Variants in MACROD2 observed in about 807,000 individuals in gnomAD.
MACROD2 encodes mono-ADP ribosylhydrolase 2.
In MACROD2, 36 loss-of-function variants were observed where a neutral mutation model predicts 70.4. The ratio of observed to expected loss-of-function variants is 0.51; its 90% CI spans 0.39 to 0.68. The LOEUF (loss-of-function observed/expected upper bound fraction) is 0.68. Among genes scored for constraint, MACROD2 ranks in the 30% least tolerant of loss-of-function variants. The pLI is 0.00. For missense variants in MACROD2, 496 were observed against 538.4 expected (o/e 0.92, Z 0.78); for synonymous variants, 172 against 178.8 (o/e 0.96, Z 0.30).
chr20:14,365,361 A>G (rs1267415711), intron 3 of MACROD2, among the ~76,000 whole-genome samples: 1 of 151,474 alleles, frequency 6.6e-6, no homozygotes, highest in African/African-American at 2.4e-5. Context: ...AATAATGTTC[A>G]TAAATAACAT....
intron 8 of MACROD2, among the ~76,000 whole-genome samples, chr20:15,814,711 C>G (rs1325331990): frequency 6.6e-6 from 1 of 152,204 alleles, no homozygotes; most frequent in Non-Finnish European, 1.5e-5. Context: ...TTATTAAGAC[C>G]TGTACAAACT....
chr20:15,756,644 T>C (rs78499254), intron 8 of MACROD2, among the ~76,000 whole-genome samples: 4 of 152,078 alleles, frequency 2.6e-5, no homozygotes, highest in African/African-American at 9.7e-5. Context: ...TGCTCTGAAT[T>C]TGAATAACCA....
chr20:15,293,272 C>A (rs2077557371), intron 6 of MACROD2, among the ~76,000 whole-genome samples: 1 of 152,164 alleles, frequency 6.6e-6, no homozygotes, highest in Non-Finnish European at 1.5e-5. Flanking sequence ...CAGAAGTATC[C>A]ATTTTACCCA....
At position 15,228,393 on chromosome 20, in the gene MACROD2, G is replaced by A. The variant is rs188164276; in HGVS notation, c.419-1547G>A. Among the ~76,000 whole-genome samples, 710 of 152,004 alleles carry A rather than the reference G, an allele frequency of 4.7e-3. 3 individuals carry two copies. Among genetic ancestry groups the A allele is most frequent in the Admixed American group, 7.5e-3 (114 of 15,274 alleles). ...AAATACTGTTTCAGAATTAATCATG[G>A]AAACCAATGCTTTAGGTCTTTTCTC... On this transcript the variant is annotated intron_variant, in intron 5 of 17. Coordinates refer to ENST00000684519, the MANE Select transcript of MACROD2 (RefSeq NM_001351661.2).
intron 8 of MACROD2, among the ~76,000 whole-genome samples, chr20:15,573,659 C>CCAT (rs1459014589): frequency 1.3e-5 from 2 of 152,098 alleles, no homozygotes; most frequent in African/African-American, 4.8e-5. Context: ...TTTACCTAAG[C>CCAT]CATACTCCTA....
rs190645004 is a variant in MACROD2, at chr20:14,484,152, T to C, written c.272-9327T>C. Among the ~76,000 whole-genome samples the C allele has an allele frequency of 1.5e-3, 230 of 152,344 alleles. 2 individuals are homozygous for C. The highest frequency in any genetic ancestry group is 5.2e-3 in the African/African-American group (218 of 41,584). Reference sequence around the variant, plus strand: ...TTAGGTGTTCTCCAAGCTATACTTATGCATGCTAAATTTCAGCTAATTTTG... The same window carrying C: ...TTAGGTGTTCTCCAAGCTATACTTACGCATGCTAAATTTCAGCTAATTTTG... On this transcript the variant is annotated intron_variant, in intron 3 of 17. Coordinates refer to ENST00000684519, the MANE Select transcript of MACROD2 (RefSeq NM_001351661.2).
chr20:15,872,542 G>T (rs1248017120), intron 9 of MACROD2, among the ~76,000 whole-genome samples: 3 of 152,038 alleles, frequency 2.0e-5, no homozygotes, highest in African/African-American at 7.2e-5. Context: ...CTTCAGTTTT[G>T]TCATGTGCAA....
At chr20:14,719,473 G>GAAAAAAAAAAAA (rs11087105) in intron 5 of MACROD2, among the ~76,000 whole-genome samples, 3 of 136,312 alleles carry the variant, frequency 2.2e-5, no homozygotes, top group Admixed American at 7.5e-5. Context: ...AAGATAGAAA[G>GAAAAAAAAAAAA]AAAAAAAAAA....
chr20:14,021,410 G>A (rs1312896249), intron 2 of MACROD2, among the ~76,000 whole-genome samples: 2 of 152,106 alleles, frequency 1.3e-5, no homozygotes, highest in Non-Finnish European at 2.9e-5. Context: ...TTAAGAGCAG[G>A]GCCTGCTGCT....
intron 3 of MACROD2, among the ~76,000 whole-genome samples, chr20:14,118,543 A>C (rs2054541957): frequency 6.6e-6 from 1 of 152,226 alleles, no homozygotes; most frequent in Non-Finnish European, 1.5e-5. Context: ...TTCAAATCTT[A>C]TATTTCAACA....
intron 5 of MACROD2, among the ~76,000 whole-genome samples, chr20:14,787,111 G>T (rs1171708724): frequency 6.6e-6 from 1 of 151,920 alleles, no homozygotes; most frequent in Non-Finnish European, 1.5e-5. Flanking sequence ...TCTCATTTTT[G>T]ATCTGTCATG....
chr20:15,421,297 C>T (rs2046224628), intron 6 of MACROD2, among the ~76,000 whole-genome samples: 1 of 151,968 alleles, frequency 6.6e-6, no homozygotes, highest in African/African-American at 2.4e-5. Flanking sequence ...AGGATCACCT[C>T]AGCTCAGGGA....
chr20:15,904,880 CAAAAAAAAAAAA>C (rs10556594), intron 10 of MACROD2, among the ~76,000 whole-genome samples: 184 of 129,026 alleles, frequency 1.4e-3, no homozygotes, highest in Middle Eastern at 8.1e-3. Flanking sequence ...GACTCTGTCT[CAAAAAAAAAAAA>C]AAAAAAAAAA....
At chr20:15,618,466 T>C (rs948578914) in intron 8 of MACROD2, among the ~76,000 whole-genome samples, 6 of 152,124 alleles carry the variant, frequency 3.9e-5, no homozygotes, top group Non-Finnish European at 7.3e-5. Context: ...AGAAGGACCG[T>C]CAGGAATGTT....
At chr20:14,135,197 A>C (rs1205249412) in intron 3 of MACROD2, among the ~76,000 whole-genome samples, 1 of 152,184 alleles carries the variant, frequency 6.6e-6, no homozygotes, top group Non-Finnish European at 1.5e-5. Context: ...TGACACCAAA[A>C]GTATTTTAAG....
chr20:16,036,285 C>CCAT (rs1555811569), intron 15 of MACROD2, among the ~76,000 whole-genome samples: 2 of 70,984 alleles, frequency 2.8e-5, no homozygotes, highest in Non-Finnish European at 8.5e-5. Flanking sequence ...GGACTCCTCC[C>CCAT]CCGGCCAGCA....
At chr20:15,490,130 A>ATTTCCTTC (rs1197211530) in intron 7 of MACROD2, among the ~76,000 whole-genome samples, 1 of 108,236 alleles carries the variant, frequency 9.2e-6, no homozygotes, top group Non-Finnish European at 1.9e-5. Flanking sequence ...ACCTCTTGGC[A>ATTTCCTTC]TTTCCTTCCT....
intron 10 of MACROD2, among the ~76,000 whole-genome samples, chr20:15,917,103 T>G (rs1227596365): frequency 6.6e-6 from 1 of 152,082 alleles, no homozygotes; most frequent in Non-Finnish European, 1.5e-5. Flanking sequence ...CATAGAGAGG[T>G]GCTTGTCGTG....
At chr20:15,840,987 G>T (rs2064163985) in intron 8 of MACROD2, among the ~76,000 whole-genome samples, 1 of 152,106 alleles carries the variant, frequency 6.6e-6, no homozygotes, top group African/African-American at 2.4e-5. Flanking sequence ...TTAAAAAATG[G>T]TTTTACCACA....
Sources: gnomAD v4.1 joint callset for allele counts (sites outside exome capture counted in the v4.1 genomes callset) on GRCh38, gnomAD v4.1.1 for gene constraint, MANE v1.5 for transcripts, NCBI Gene and HGNC (gene_info 2026-07-23, HGNC 2026-07-21) for gene names.